Variants in CDH18 observed in about 807,000 individuals in gnomAD.
CDH18 encodes cadherin-18.
CDH18 carries 31 observed loss-of-function variants against 67.9 expected under a neutral mutation model. That is an observed-to-expected ratio of 0.46 (90% confidence interval 0.34 to 0.62). CDH18 has a LOEUF of 0.62. Among genes scored for constraint, CDH18 ranks in the 20% least tolerant of loss-of-function variants. The probability of loss-of-function intolerance (pLI) is 0.01; values close to 1 mark genes in which losing one functional copy is unlikely to be tolerated. For synonymous variants in CDH18, 362 were observed against 347.2 expected (o/e 1.04, Z -0.48); for missense variants, 890 against 975.5 (o/e 0.91, Z 1.17).
At chr5:20,499,779 T>C (rs1033692434) in intron 1 of CDH18, among the ~76,000 whole-genome samples, 7 of 152,174 alleles carry the variant, frequency 4.6e-5, no homozygotes, top group African/African-American at 1.7e-4. Context: ...CTTATGCATA[T>C]AGCAAATCAA....
chr5:19,514,932 C>A (rs1745730803), intron 10 of CDH18, among the ~76,000 whole-genome samples: 1 of 152,132 alleles, frequency 6.6e-6, no homozygotes, highest in Non-Finnish European at 1.5e-5. Flanking sequence ...ATGCCTATGT[C>A]CTGAATGGAA....
At chr5:19,597,883 CT>C (rs970699012) in intron 6 of CDH18, among the ~76,000 whole-genome samples, 5 of 152,158 alleles carry the variant, frequency 3.3e-5, no homozygotes, top group East Asian at 3.9e-4. Flanking sequence ...TTATATTCAT[CT>C]TTTTTTGTAT....
At chr5:19,800,042 C>T (rs1216060885) in intron 3 of CDH18, among the ~76,000 whole-genome samples, 1 of 152,060 alleles carries the variant, frequency 6.6e-6, no homozygotes, top group Non-Finnish European at 1.5e-5. Flanking sequence ...TTGCTCTCAA[C>T]ACAATAGATA....
chr5:20,418,672 T>G (rs1747556010), intron 1 of CDH18, among the ~76,000 whole-genome samples: 1 of 152,130 alleles, frequency 6.6e-6, no homozygotes, highest in Non-Finnish European at 1.5e-5. Context: ...TTTTGTACAA[T>G]TAATAATGAT....
At chr5:20,330,204 T>C (rs1739033954) in intron 1 of CDH18, among the ~76,000 whole-genome samples, 1 of 152,204 alleles carries the variant, frequency 6.6e-6, no homozygotes, top group Non-Finnish European at 1.5e-5. Context: ...AATTTGAATC[T>C]ATTGCTGAAA....
chr5:20,108,873 C>T (rs771396479), intron 2 of CDH18, among the ~76,000 whole-genome samples: 14 of 152,106 alleles, frequency 9.2e-5, no homozygotes, highest in Non-Finnish European at 1.9e-4. Flanking sequence ...CCTTAGGGAA[C>T]GTATTCAACC....
At chr5:20,318,437 G>A (rs1580739384) in intron 1 of CDH18, among the ~76,000 whole-genome samples, 1 of 152,142 alleles carries the variant, frequency 6.6e-6, no homozygotes, top group East Asian at 1.9e-4. Flanking sequence ...TAGAACTGTA[G>A]TCCTAGTTTT....
chr5:19,718,873 T>C (rs1345854932), intron 5 of CDH18, among the ~76,000 whole-genome samples: 1 of 152,004 alleles, frequency 6.6e-6, no homozygotes, highest in Non-Finnish European at 1.5e-5. Context: ...ACACTTGAGA[T>C]AAACTTATTT....
At chr5:19,805,540 C>A (rs557506162) in intron 3 of CDH18, among the ~76,000 whole-genome samples, 2 of 152,244 alleles carry the variant, frequency 1.3e-5, no homozygotes, top group South Asian at 4.1e-4. Flanking sequence ...TACTCTTTAG[C>A]CTACATCTCT....
At chr5:20,477,773 G>A (rs1752539518) in intron 1 of CDH18, among the ~76,000 whole-genome samples, 1 of 152,176 alleles carries the variant, frequency 6.6e-6, no homozygotes, top group Non-Finnish European at 1.5e-5. Context: ...AACTTGGGGT[G>A]CATACAACCC....
At chr5:19,599,851 C>T (rs1344212830) in intron 6 of CDH18, among the ~76,000 whole-genome samples, 1 of 152,116 alleles carries the variant, frequency 6.6e-6, no homozygotes, top group Non-Finnish European at 1.5e-5. Flanking sequence ...CGCACCACTG[C>T]ACTCCAGCCT....
At chr5:20,062,179 G>T (rs199873954) in intron 2 of CDH18, among the ~76,000 whole-genome samples, 1 of 23,412 alleles carries the variant, frequency 4.3e-5, no homozygotes. Context: ...TTATTATTGA[G>T]ACAGTCTTGC....
intron 2 of CDH18, among the ~76,000 whole-genome samples, chr5:19,847,596 G>A (rs2150059869): frequency 6.6e-6 from 1 of 152,038 alleles, no homozygotes; most frequent in East Asian, 1.9e-4. Flanking sequence ...TTAGTATCTA[G>A]AGATTTATAT....
At chr5:19,875,536 A>C (rs1182185542) in intron 2 of CDH18, among the ~76,000 whole-genome samples, 1 of 152,104 alleles carries the variant, frequency 6.6e-6, no homozygotes, top group Non-Finnish European at 1.5e-5. Context: ...ATGATGCATT[A>C]TCATTTTTAT....
At chr5:20,158,548 A>AT (rs1035666755) in intron 2 of CDH18, 1 of 152,612 alleles carries the variant, frequency 6.6e-6, no homozygotes, top group Non-Finnish European at 1.5e-5. Flanking sequence ...ACTCATACTC[A>AT]TTTTTTTAGT....
intron 1 of CDH18, among the ~76,000 whole-genome samples, chr5:20,464,667 T>C (rs1751514441): frequency 6.6e-6 from 1 of 152,142 alleles, no homozygotes; most frequent in Non-Finnish European, 1.5e-5. Flanking sequence ...TTGTGAGACA[T>C]CTATATTCCA....
intron 1 of CDH18, among the ~76,000 whole-genome samples, chr5:20,538,533 T>C (rs1236909407): frequency 1.3e-5 from 2 of 152,132 alleles, no homozygotes; most frequent in Non-Finnish European, 2.9e-5. Context: ...TCTGGCTTTG[T>C]GGCTGAAAGG....
At chr5:19,713,777 T>C (rs952910255) in intron 5 of CDH18, among the ~76,000 whole-genome samples, 1 of 152,166 alleles carries the variant, frequency 6.6e-6, no homozygotes, top group African/African-American at 2.4e-5. Context: ...TACCTTTTGA[T>C]ATTTCATTTA....
At chr5:20,257,481 GCTCTA>G (rs1744337646) in intron 1 of CDH18, among the ~76,000 whole-genome samples, 1 of 47,108 alleles carries the variant, frequency 2.1e-5, no homozygotes, top group African/African-American at 9.4e-5. Flanking sequence ...TGGCTCTATT[GCTCTA>G]TTGCTATCAC....
Sources: allele counts gnomAD v4.1 joint callset (sites outside exome capture counted in the v4.1 genomes callset), GRCh38; gene constraint gnomAD v4.1.1; transcripts MANE v1.5; gene names NCBI Gene and HGNC (gene_info 2026-07-23, HGNC 2026-07-21).